TSPEAR: variants seen among roughly 807,000 people sequenced by gnomAD.
TSPEAR encodes the protein thrombospondin-type laminin G domain and EAR repeat-containing protein.
A neutral mutation model predicts 71.6 loss-of-function variants in TSPEAR; 69 were observed. That is an observed-to-expected ratio of 0.96 (90% CI 0.79 to 1.18). The LOEUF (loss-of-function observed/expected upper bound fraction) is 1.18. TSPEAR is among the 50% of genes most tolerant of loss of function. TSPEAR has a pLI of 0.00. For missense variants in TSPEAR, 971 were observed against 894.9 expected, an observed-to-expected ratio of 1.09 and a Z score of -1.09; for synonymous variants, 402 against 387.2, an observed-to-expected ratio of 1.04 and a Z score of -0.45.
At chr21:44,667,600 C>G (rs1261402125) in intron 1 of TSPEAR, among the ~76,000 whole-genome samples, 1 of 152,280 alleles carries the variant, frequency 6.6e-6, no homozygotes, top group East Asian at 1.9e-4. Context: ...CCCAGGGAAG[C>G]ATGTGAGGCC....
intron 1 of TSPEAR, chr21:44,575,182 T>C (rs1177429346): frequency 6.5e-6 from 5 of 770,968 alleles, no homozygotes; most frequent in African/African-American, 5.3e-5. Context: ...TGCAGCCCTC[T>C]TGCGGGGGGA....
In TSPEAR at chr21:44,711,023, G is replaced by GGGGCAC. The variant is rs1341196596; in HGVS notation, c.82+404_82+409dup. ...CCTTCGCTTTGCTGAGTGCAGGCTG[G>GGGGCAC]GGGCACCTCCACCAGCTAAGGAAAT... On this transcript the variant is annotated intron_variant, in intron 1 of 11. Coordinates refer to ENST00000323084, the MANE Select transcript of TSPEAR (RefSeq NM_144991.3). The surrounding 1 kb of genome is among the most constrained non-coding windows in gnomAD (Gnocchi z 4.5). Among the ~76,000 whole-genome samples, 1 of 152,200 alleles carries GGGGCAC rather than the reference G, an allele frequency of 6.6e-6. No individual in the cohort carries two copies. The highest frequency in any genetic ancestry group is 1.5e-5 in the Non-Finnish European group (1 of 68,040).
intron 1 of TSPEAR, among the ~76,000 whole-genome samples, chr21:44,590,411 G>A (rs1979704309): frequency 6.6e-6 from 1 of 152,090 alleles, no homozygotes; most frequent in Non-Finnish European, 1.5e-5. Context: ...AGGACCAGGA[G>A]GGAGCCAGGA....
intron 1 of TSPEAR, among the ~76,000 whole-genome samples, chr21:44,599,992 G>T (rs1401435372): frequency 6.6e-6 from 1 of 152,208 alleles, no homozygotes. Context: ...GGAAGAGGGG[G>T]TGCACGGCCC....
intron 1 of TSPEAR, among the ~76,000 whole-genome samples, chr21:44,618,223 AC>A (rs1982232151): frequency 6.6e-6 from 1 of 152,158 alleles, no homozygotes; most frequent in Admixed American, 6.5e-5. Flanking sequence ...ACCAGATCTG[AC>A]AGTTTTATAA....
chr21:44,679,249 G>A (rs1986465839), intron 1 of TSPEAR, among the ~76,000 whole-genome samples: 1 of 152,046 alleles, frequency 6.6e-6, no homozygotes. Context: ...CTTGAACTTT[G>A]GGGGTAGGTT....
At chr21:44,602,235 C>T (rs1009087302) in intron 1 of TSPEAR, 3 of 184,214 alleles carry the variant, frequency 1.6e-5, no homozygotes, top group South Asian at 1.3e-4. Flanking sequence ...CCCCCACCCG[C>T]GGGTGGTCCT....
intron 1 of TSPEAR, among the ~76,000 whole-genome samples, chr21:44,579,006 G>T (rs1386847601): frequency 1.3e-5 from 2 of 152,188 alleles, no homozygotes; most frequent in Non-Finnish European, 2.9e-5. Flanking sequence ...CGAGTCCCTT[G>T]TCTCCTGCGC....
chr21:44,533,658 G>T, intron 3 of TSPEAR, 27 bp downstream of exon 3: 2 of 1,572,134 alleles, frequency 1.3e-6, no homozygotes, highest in South Asian at 1.1e-5. Flanking sequence ...AGGACTGCAG[G>T]TGCACCCTCC....
At chr21:44,655,508 G>A (rs1555942429) in intron 1 of TSPEAR, among the ~76,000 whole-genome samples, 1 of 152,232 alleles carries the variant, frequency 6.6e-6, no homozygotes, top group East Asian at 1.9e-4. Flanking sequence ...AATGGCCACA[G>A]GACACCTCCT....
At chr21:44,706,542 G>A (rs1351958481) in intron 1 of TSPEAR, among the ~76,000 whole-genome samples, 1 of 152,162 alleles carries the variant, frequency 6.6e-6, no homozygotes, top group Non-Finnish European at 1.5e-5. Context: ...CTGAGTCCCC[G>A]GCTCCGACCC....
intron 9 of TSPEAR, among the ~76,000 whole-genome samples, chr21:44,509,645 C>T (rs970845616): frequency 8.5e-5 from 13 of 152,216 alleles, no homozygotes; most frequent in Admixed American, 7.8e-4. Flanking sequence ...CTTGGCAGGA[C>T]GTGGGATCTT....
intron 10 of TSPEAR, 87 bp downstream of exon 10, chr21:44,509,112 G>A: frequency 6.9e-7 from 1 of 1,454,754 alleles, no homozygotes; most frequent in Non-Finnish European, 9.4e-7. Context: ...CACGGGAAGG[G>A]TGGTGAGGAT....
At chr21:44,653,210 A>T (rs1218053236) in intron 1 of TSPEAR, among the ~76,000 whole-genome samples, 1 of 152,162 alleles carries the variant, frequency 6.6e-6, no homozygotes, top group African/African-American at 2.4e-5. Flanking sequence ...GAACAAGATA[A>T]CGTCTTATAG....
intron 1 of TSPEAR, among the ~76,000 whole-genome samples, chr21:44,678,824 C>T (rs782624994): frequency 4.6e-5 from 7 of 152,150 alleles, no homozygotes; most frequent in Non-Finnish European, 8.8e-5. Flanking sequence ...TGTTTCGATA[C>T]ACCAATAACA....
chr21:44,652,376 T>C (rs1347584347), intron 1 of TSPEAR, among the ~76,000 whole-genome samples: 6 of 152,162 alleles, frequency 3.9e-5, no homozygotes, highest in Non-Finnish European at 7.4e-5. Context: ...TCTGGAACAC[T>C]GCGGGGACCC....
chr21:44,618,801 G>C (rs1555932997), intron 1 of TSPEAR, among the ~76,000 whole-genome samples: 1 of 152,134 alleles, frequency 6.6e-6, no homozygotes, highest in African/African-American at 2.4e-5. Context: ...CTATATGGAG[G>C]GTGTGTGTTA....
chr21:44,610,269 A>G (rs1439161642), intron 1 of TSPEAR, among the ~76,000 whole-genome samples: 5 of 152,192 alleles, frequency 3.3e-5, no homozygotes, highest in Non-Finnish European at 7.3e-5. Context: ...CATGTCAGAG[A>G]CCTTCATGGC....
Position 44,673,516 on chromosome 21 carries a change from T to C in TSPEAR, c.82+37917A>G, listed in dbSNP as rs376491692. Among the ~76,000 whole-genome samples, 20 of 152,260 alleles carry C rather than the reference T, an allele frequency of 1.3e-4. No homozygotes were observed. In the East Asian group the frequency reaches 3.5e-3, roughly 26 times the overall value. On this transcript the variant is annotated intron_variant, in intron 1 of 11. Coordinates refer to ENST00000323084, the MANE Select transcript of TSPEAR (RefSeq NM_144991.3). ...CTCCAATACAATAATAGTTGAGGAC[T>C]TCAACACCCCACTCTCACCATTAGA...
Sources: gnomAD v4.1 joint callset for allele counts (sites outside exome capture counted in the v4.1 genomes callset) on GRCh38, gnomAD v4.1.1 for gene constraint, Gnocchi (gnomAD v3.1) non-coding constraint, MANE v1.5 for transcripts, NCBI Gene and HGNC (gene_info 2026-07-23, HGNC 2026-07-21) for gene names.